The following LSAMP variants were observed in gnomAD, a reference collection of about 807,000 sequenced individuals.
LSAMP encodes limbic system-associated membrane protein.
LSAMP carries 7 observed loss-of-function variants against 38.6 expected under a neutral mutation model. The ratio of observed to expected loss-of-function variants is 0.18; its 90% confidence interval spans 0.10 to 0.34. LSAMP has a LOEUF of 0.34. Among genes scored for constraint, LSAMP ranks in the 10% least tolerant of loss-of-function variants. LSAMP has a pLI of 1.00. For synonymous variants in LSAMP, 154 were observed against 166.8 expected (o/e 0.92, Z 0.59); for missense variants, 313 against 420.0 (o/e 0.75, Z 2.23).
At chr3:116,136,706 T>C (rs1052809441) in intron 1 of LSAMP, among the ~76,000 whole-genome samples, 5 of 152,134 alleles carry the variant, frequency 3.3e-5, no homozygotes, top group Non-Finnish European at 5.9e-5. Flanking sequence ...TCTTCATTCA[T>C]GTGTGCATGT....
At chr3:115,850,247 T>G (rs1166828266) in intron 4 of LSAMP, among the ~76,000 whole-genome samples, 1 of 152,168 alleles carries the variant, frequency 6.6e-6, no homozygotes, top group Non-Finnish European at 1.5e-5. Flanking sequence ...CTAATAATAA[T>G]AGGACCCAGG....
intron 1 of LSAMP, among the ~76,000 whole-genome samples, chr3:116,366,868 A>T (rs1239728582): frequency 6.6e-6 from 1 of 152,200 alleles, no homozygotes; most frequent in Admixed American, 6.5e-5. Flanking sequence ...AATGACACAC[A>T]TTCCCTCCCA....
chr3:116,209,061 G>T lies in LSAMP; in HGVS notation c.156-122505C>A, dbSNP rs1042278675. 5.0e-4 allele frequency among the ~76,000 whole-genome samples: 76 copies of T among 152,332 alleles called. 1 individual carries two copies. The highest frequency in any genetic ancestry group is 7.6e-4 in the Non-Finnish European group (52 of 68,040). On this transcript the variant is annotated intron_variant, in intron 1 of 6. Coordinates refer to ENST00000490035, the MANE Select transcript of LSAMP (RefSeq NM_002338.5). ...GCTAGCAATCAGCGAGACTCCTTGG[G>T]GGTAGGACCCTCTGAGCCAGGTGCG...
At chr3:116,438,060 C>CAA (rs10637606) in intron 1 of LSAMP, among the ~76,000 whole-genome samples, 13,726 of 126,160 alleles carry the variant, frequency 0.11, 1,071 homozygotes, top group African/African-American at 0.22. Context: ...CAGGTAACTA[C>CAA]AAAAAAAAAA....
intron 2 of LSAMP, among the ~76,000 whole-genome samples, chr3:116,051,861 C>A (rs549197542): frequency 6.6e-6 from 1 of 151,896 alleles, no homozygotes; most frequent in Non-Finnish European, 1.5e-5. Context: ...TTTTCCTCTG[C>A]GGATGGAGTA....
rs193163058 is a variant in LSAMP at position 116,348,203 on chromosome 3, C to T, written c.155+96674G>A. Among the ~76,000 whole-genome samples, 41 of 152,128 alleles carry T rather than the reference C, an allele frequency of 2.7e-4. 1 individual carries two copies. The East Asian group carries it at 5.8e-3, about 22-fold the overall frequency. On this transcript the variant is annotated intron_variant, in intron 1 of 6. Transcript: ENST00000490035. The stretch of plus-strand genomic sequence containing the variant: ...TAAATTTGGTCTCATTTCTCATTCA[C>T]GACCTGTTGTTTGTAATATAGACCC...
chr3:116,410,544 T>G (rs1245147164), intron 1 of LSAMP, among the ~76,000 whole-genome samples: 2 of 152,084 alleles, frequency 1.3e-5, no homozygotes, highest in Admixed American at 6.6e-5. Flanking sequence ...TATTTCTAGC[T>G]TCTATTTTAA....
chr3:116,145,140 A>G (rs1709462617), intron 1 of LSAMP, among the ~76,000 whole-genome samples: 1 of 151,898 alleles, frequency 6.6e-6, no homozygotes, highest in African/African-American at 2.4e-5. Context: ...TATTTCGCAA[A>G]TAGACTTTTT....
intron 6 of LSAMP, among the ~76,000 whole-genome samples, chr3:115,816,453 T>C (rs1934021140): frequency 6.6e-6 from 1 of 152,146 alleles, no homozygotes; most frequent in African/African-American, 2.4e-5. Flanking sequence ...GAACTTTTTG[T>C]AAATGAAAAA....
At chr3:116,387,978 C>T (rs2048646443) in intron 1 of LSAMP, among the ~76,000 whole-genome samples, 1 of 151,854 alleles carries the variant, frequency 6.6e-6, no homozygotes. Flanking sequence ...GTGGTGGGTG[C>T]CTGTAGTCCC....
intron 1 of LSAMP, among the ~76,000 whole-genome samples, chr3:116,157,744 C>T (rs535497029): frequency 1.6e-4 from 24 of 151,868 alleles, no homozygotes; most frequent in African/African-American, 2.4e-4. Flanking sequence ...CCTATGGATC[C>T]GATGGATTCA....
chr3:116,132,574 GA>G (rs1452805474), intron 1 of LSAMP, among the ~76,000 whole-genome samples: 4 of 152,160 alleles, frequency 2.6e-5, no homozygotes, highest in South Asian at 4.1e-4. Flanking sequence ...TCTCATGAAT[GA>G]AAAGTCCACA....
chr3:115,944,644 T>G (rs1938036217), intron 3 of LSAMP, among the ~76,000 whole-genome samples: 1 of 152,196 alleles, frequency 6.6e-6, no homozygotes, highest in South Asian at 2.1e-4. Flanking sequence ...ATAAATTATC[T>G]TAGTTATTAA....
chr3:116,153,918 C>G (rs535424325), intron 1 of LSAMP, among the ~76,000 whole-genome samples: 2 of 151,942 alleles, frequency 1.3e-5, no homozygotes, highest in Non-Finnish European at 2.9e-5. Context: ...TCAAAACCAA[C>G]CAAGCAACTC....
chr3:115,891,817 G>T (rs904802034), intron 3 of LSAMP, among the ~76,000 whole-genome samples: 1 of 151,956 alleles, frequency 6.6e-6, no homozygotes, highest in African/African-American at 2.4e-5. Context: ...TCTCCTGGTA[G>T]TAGGTGGCAT....
intron 1 of LSAMP, among the ~76,000 whole-genome samples, chr3:116,217,243 A>G (rs2046230559): frequency 6.6e-6 from 1 of 152,214 alleles, no homozygotes; most frequent in South Asian, 2.1e-4. Flanking sequence ...TGGCGTTTTC[A>G]TCACCAAGCC....
At chr3:116,124,864 G>C (rs544739934) in intron 1 of LSAMP, among the ~76,000 whole-genome samples, 19 of 152,066 alleles carry the variant, frequency 1.2e-4, no homozygotes, top group East Asian at 3.9e-4. Flanking sequence ...ACATGCAAAG[G>C]GTATTGTTTT....
intron 1 of LSAMP, among the ~76,000 whole-genome samples, chr3:116,196,967 T>C (rs1710897064): frequency 6.6e-6 from 1 of 152,114 alleles, no homozygotes. Flanking sequence ...ATTCTCTTCA[T>C]CTTGAGCCCA....
At chr3:115,834,578 G>T in intron 6 of LSAMP, 1 of 1,274,954 alleles carries the variant, frequency 7.8e-7, no homozygotes, top group Non-Finnish European at 1.0e-6. Flanking sequence ...TGGGGTGGGG[G>T]ATTGTGGGTA....
Sources: gnomAD v4.1 joint callset for allele counts (sites outside exome capture counted in the v4.1 genomes callset) on GRCh38, gnomAD v4.1.1 for gene constraint, MANE v1.5 for transcripts, NCBI Gene and HGNC (gene_info 2026-07-23, HGNC 2026-07-21) for gene names.